FBXW9: variants seen among roughly 807,000 people sequenced by gnomAD.
FBXW9 encodes F-box/WD repeat-containing protein 9.
Under a neutral mutation model 55.8 loss-of-function variants are expected in FBXW9, and 38 were observed. The observed-to-expected ratio is 0.68, with a 90% CI of 0.53 to 0.89. The LOEUF (loss-of-function observed/expected upper bound fraction) is 0.89. Ranked by LOEUF, FBXW9 falls within the 40% of genes least tolerant of loss-of-function variation. The pLI is 0.00. For synonymous variants in FBXW9, 289 were observed against 278.2 expected (o/e 1.04, Z -0.38); for missense variants, 590 against 619.4 (o/e 0.95, Z 0.50).
In FBXW9 at chr19:12,689,917, G is replaced by T. The variant is rs368684577; in HGVS notation, c.1033-43C>A. 2 of 1,612,646 alleles carry T rather than the reference G, an allele frequency of 1.2e-6. No individual in the cohort carries two copies. Among genetic ancestry groups the T allele is most frequent in the East Asian group, 2.2e-5 (1 of 44,848 alleles). ...GACGGGACAGCTCAGGCCGGGCTGG[G>T]CCTGCAACAGTCCCCATCCCTCCAG... On this transcript the variant is annotated intron_variant, in intron 6 of 9. Transcript: ENST00000393261. This position sits in a 1 kb window ranked among gnomAD's most constrained non-coding sequence, Gnocchi z 5.9.
At position 12,696,628 on chromosome 19, in the gene FBXW9, G is replaced by A. The variant is rs1454380897; in HGVS notation, c.-47C>T. ...GGCCTCGCGTCTTGTCTCCTAGGCA[G>A]CACGAGGGCACTTCCGGCGCTGTCT... On this transcript the variant is annotated 5_prime_UTR_variant, in exon 1 of 10. Transcript: ENST00000393261. 3.8e-6 allele frequency: 6 copies of A among 1,578,440 alleles called. No individual in the cohort carries two copies. Among genetic ancestry groups the A allele is most frequent in the Non-Finnish European group, 4.3e-6 (5 of 1,171,990 alleles).
chr19:12,696,280 T>A lies in FBXW9; in HGVS notation c.302A>T (p.His101Leu). The A allele has an allele frequency of 6.3e-7, 1 of 1,575,210 alleles. No homozygotes were observed. The highest frequency in any genetic ancestry group is 8.6e-7 in the Non-Finnish European group (1 of 1,160,976). ...CSYLDARLVLHVLSRVCHALR... is the reference protein window; with the variant it reads ...CSYLDARLVLLVLSRVCHALR... ...CGCGTGGCACACCCGCGACAGGACG[T>A]GGAGCACGAGGCGGGCGTCCAGGTA... The change falls in exon 1 of 10, where the codon CAC becomes CTC. Residue 101 changes from histidine (H) to leucine (L), a missense_variant. His to Leu is a moderately conservative substitution (Grantham distance 99). Transcript: ENST00000393261.
chr19:12,689,727 G>A lies in FBXW9; in HGVS notation c.1146+34C>T, dbSNP rs371025791. ...GCTCGGGTAGGAAGGAAGCCCGGGG[G>A]GAGGGACAGTCAGGGGCAGGAGCTC... On this transcript the variant is annotated intron_variant, in intron 7 of 9. Coordinates refer to ENST00000393261, the MANE Select transcript of FBXW9 (RefSeq NM_032301.3). This position sits in a 1 kb window ranked among gnomAD's most constrained non-coding sequence, Gnocchi z 5.9. 15 of 1,610,010 alleles carry A rather than the reference G, an allele frequency of 9.3e-6. No individual in the cohort carries two copies. The Admixed American group carries it at 1.2e-4, about 13-fold the overall frequency.
At chr19:12,695,415 C>CGG in intron 1 of FBXW9, among the ~76,000 whole-genome samples, 1 of 152,268 alleles carries the variant, frequency 6.6e-6, no homozygotes, top group Middle Eastern at 3.4e-3. Flanking sequence ...GTGATATGGA[C>CGG]GGGGTCCAAG....
At position 12,690,756 on chromosome 19, in the gene FBXW9, T is replaced by C. The variant is rs111477231; in HGVS notation, c.883+410A>G. ...CAACATGGTGAAACCTTGTCTCTAC[T>C]GCCTCAGCCTCTGGAGTAGCTGGGA... is the stretch of plus-strand genomic sequence containing the variant. On this transcript the variant is annotated intron_variant, in intron 5 of 9. Coordinates refer to ENST00000393261, the MANE Select transcript of FBXW9 (RefSeq NM_032301.3). 5.3e-3 allele frequency among the ~76,000 whole-genome samples: 801 copies of C among 152,272 alleles called. 6 individuals are homozygous for C. The highest frequency in any genetic ancestry group is 0.018 in the African/African-American group (739 of 41,528).
chr19:12,694,788 C>G lies in FBXW9; in HGVS notation c.549+11G>C. 2.5e-6 allele frequency: 4 copies of G among 1,613,850 alleles called. No homozygotes were observed. The highest frequency in any genetic ancestry group is 3.4e-6 in the Non-Finnish European group (4 of 1,179,868). On this transcript the variant is annotated intron_variant, in intron 2 of 9. Transcript: ENST00000393261. ...CCCACCCTGCCTGGCCCCCCACAGA[C>G]CCCGTCTCACCTGGAGCAGCAGCAC...
At position 12,689,553 on chromosome 19, in the gene FBXW9, G is replaced by C. The variant is rs770397351; in HGVS notation, c.1224C>G (p.Asp408Glu). ...GCAGGAGCCTCACCCGGATGGTCTT[G>C]TCAGTGGATGTGGTGTACAAGGCTC... ...SVGALYTTSTDKTIRVHVPTD... is the reference protein window; with the variant it reads ...SVGALYTTSTEKTIRVHVPTD... The change falls in exon 8 of 10, where the codon GAC (aspartate) becomes GAG (glutamate). Residue 408 changes from aspartate to glutamate, a missense_variant. Asp to Glu is a conservative substitution (Grantham distance 45). Coordinates refer to ENST00000393261, the MANE Select transcript of FBXW9 (RefSeq NM_032301.3). The surrounding 1 kb of genome is among the most constrained non-coding windows in gnomAD (Gnocchi z 5.9). 5 of 1,614,134 alleles carry C rather than the reference G, an allele frequency of 3.1e-6. No individual in the cohort carries two copies. Among genetic ancestry groups the C allele is most frequent in the Non-Finnish European group, 3.4e-6 (4 of 1,179,992 alleles).
chr19:12,689,553 G>A lies in FBXW9; in HGVS notation c.1224C>T (p.Asp408=). The change falls in exon 8 of 10, where the codon GAC becomes GAT. Residue 408 remains aspartate (D), a synonymous_variant. Coordinates refer to ENST00000393261, the MANE Select transcript of FBXW9 (RefSeq NM_032301.3). The surrounding 1 kb of genome is among the most constrained non-coding windows in gnomAD (Gnocchi z 5.9). Reference sequence around the variant, plus strand: ...GCAGGAGCCTCACCCGGATGGTCTTGTCAGTGGATGTGGTGTACAAGGCTC... The same window carrying A: ...GCAGGAGCCTCACCCGGATGGTCTTATCAGTGGATGTGGTGTACAAGGCTC... ...SVGALYTTST[D]KTIRVHVPTD... 1 of 1,614,134 alleles carries A rather than the reference G, an allele frequency of 6.2e-7. No individual in the cohort carries two copies.
At chr19:12,693,975 G>C (rs990829586) in intron 3 of FBXW9, among the ~76,000 whole-genome samples, 2 of 151,264 alleles carry the variant, frequency 1.3e-5, no homozygotes, top group Middle Eastern at 3.4e-3. Flanking sequence ...AGACCACGAG[G>C]TCTGGAGATC....
In FBXW9 at chr19:12,689,061, G is replaced by A. The variant is rs2024963075; in HGVS notation, c.*155C>T. 1.3e-6 allele frequency: 1 copy of A among 740,790 alleles called. No homozygotes were observed. The highest frequency in any genetic ancestry group is 2.4e-6 in the Non-Finnish European group (1 of 417,002). The allele number at this position is 740,790 out of a possible 1,614,324, so 45.9% of individuals were successfully genotyped here. A position where few individuals can be genotyped will look rare whatever the true frequency, so the allele number is the denominator to read the frequency against. On this transcript the variant is annotated 3_prime_UTR_variant, in exon 10 of 10. Coordinates refer to ENST00000393261, the MANE Select transcript of FBXW9 (RefSeq NM_032301.3). The surrounding 1 kb of genome is among the most constrained non-coding windows in gnomAD (Gnocchi z 5.9). ...CAATTTCACCCTTCCCCCGGGCATA[G>A]GGCCCAGGCCAGGACGCTCACCCGA...
At chr19:12,693,555 T>TAC (rs2025036405) in intron 3 of FBXW9, among the ~76,000 whole-genome samples, 7 of 20,520 alleles carry the variant, frequency 3.4e-4, no homozygotes, top group Admixed American at 1.8e-3. Flanking sequence ...TATATATATA[T>TAC]ATATATACAC....
Position 12,689,211 on chromosome 19 carries a change from C to T in FBXW9, c.*5G>A. The T allele has an allele frequency of 6.3e-7, 1 of 1,598,524 alleles. No homozygotes were observed. The highest frequency in any genetic ancestry group is 8.6e-7 in the Non-Finnish European group (1 of 1,165,746). ...CAGGCAGTATCCACATCCACGCCCA[C>T]CTGCTCAGGCCTGCAGCCTCCAGAC... is the stretch of plus-strand genomic sequence containing the variant. On this transcript the variant is annotated 3_prime_UTR_variant, in exon 10 of 10. Transcript: ENST00000393261. The surrounding 1 kb of genome is among the most constrained non-coding windows in gnomAD (Gnocchi z 5.9).
intron 5 of FBXW9, among the ~76,000 whole-genome samples, chr19:12,690,656 C>A (rs1480392170): frequency 6.6e-6 from 1 of 152,102 alleles, no homozygotes; most frequent in Non-Finnish European, 1.5e-5. Context: ...CGGTGGCTCA[C>A]ATCTGTAATC....
Position 12,694,833 on chromosome 19 carries a change from T to C in FBXW9, c.515A>G (p.His172Arg), listed in dbSNP as rs780615110. 3.7e-6 allele frequency: 6 copies of C among 1,614,000 alleles called. No individual in the cohort carries two copies. The highest frequency in any genetic ancestry group is 4.2e-6 in the Non-Finnish European group (5 of 1,180,028). The part of the protein sequence containing the change: ...WVEYFCLAEG[H>R]VASVDSVLLL... ...CAGCACTGAGTCAACGGAAGCCACG[T>C]GGCCTTCGGCCAGGCAGAAGTATTC... Residue 172 changes from histidine to arginine, a missense_variant, in exon 2 of 10, where the codon CAC becomes CGC. Coordinates refer to ENST00000393261, the MANE Select transcript of FBXW9 (RefSeq NM_032301.3).
chr19:12,690,090 G>A lies in FBXW9; in HGVS notation c.904C>T (p.His302Tyr). The A allele has an allele frequency of 6.2e-7, 1 of 1,613,942 alleles. No individual in the cohort carries two copies. The highest frequency in any genetic ancestry group is 8.5e-7 in the Non-Finnish European group (1 of 1,180,026). ...ACGGGTCTGGAGTGTAGTTGCTGGT[G>A]CTTCAACAGGGCTGGGCCGGCTTCA... ...DPRAGPALLKHQQLHSRPVLT... is the reference protein window; with the variant it reads ...DPRAGPALLKYQQLHSRPVLT... The change falls in exon 6 of 10, where the codon CAC becomes TAC. Residue 302 changes from histidine to tyrosine, a missense_variant. By Grantham distance (83) the His-to-Tyr change is moderately conservative. Coordinates refer to ENST00000393261, the MANE Select transcript of FBXW9 (RefSeq NM_032301.3).
chr19:12,693,553 T>TAC (rs2025035744), intron 3 of FBXW9, among the ~76,000 whole-genome samples: 1 of 21,130 alleles, frequency 4.7e-5, no homozygotes, highest in Admixed American at 8.5e-4. Flanking sequence ...TATATATATA[T>TAC]ATATATATAC....
At chr19:12,691,035 A>G in intron 5 of FBXW9, 131 bp downstream of exon 5, 1 of 848,650 alleles carries the variant, frequency 1.2e-6, no homozygotes, top group Admixed American at 1.8e-5. Flanking sequence ...GTATTGTACC[A>G]GCACAGCATG....
In FBXW9 at chr19:12,694,666, C is replaced by A; in HGVS notation, c.606G>T (p.Leu202=). Residue 202 remains leucine, a synonymous_variant, in exon 3 of 10, where the codon CTG becomes CTT. Coordinates refer to ENST00000393261, the MANE Select transcript of FBXW9 (RefSeq NM_032301.3). ...GGTTGGACTCCGTCCCCAGCTGCCGCAGGTCCCACAAGTTGACGTTGCGAT... is the reference window on the plus strand; with the variant it reads ...GGTTGGACTCCGTCCCCAGCTGCCGAAGGTCCCACAAGTTGACGTTGCGAT... ...SRDRNVNLWD[L]RQLGTESNQV... The A allele has an allele frequency of 1.9e-6, 3 of 1,614,214 alleles. No individual in the cohort carries two copies. Among genetic ancestry groups the A allele is most frequent in the Non-Finnish European group, 2.5e-6 (3 of 1,180,052 alleles).
intron 5 of FBXW9, among the ~76,000 whole-genome samples, chr19:12,690,380 T>C (rs939558425): frequency 1.3e-5 from 2 of 152,104 alleles, no homozygotes; most frequent in African/African-American, 4.8e-5. Context: ...ACCAAGGTGG[T>C]CTCAGTCTTG....
Sources: allele counts gnomAD v4.1 joint callset (sites outside exome capture counted in the v4.1 genomes callset), GRCh38; gene constraint gnomAD v4.1.1; non-coding constraint Gnocchi (gnomAD v3.1); transcripts MANE v1.5; gene names NCBI Gene and HGNC (gene_info 2026-07-23, HGNC 2026-07-21).